TCHP: variants seen among roughly 807,000 people sequenced by gnomAD.
TCHP encodes the protein trichoplein keratin filament-binding protein.
A neutral mutation model predicts 88.7 loss-of-function variants in TCHP; 81 were observed. That is an observed-to-expected ratio of 0.91 (90% confidence interval 0.76 to 1.10). The LOEUF is 1.10. Among genes scored for constraint, TCHP ranks in the 50% least tolerant of loss-of-function variants. The probability of loss-of-function intolerance (pLI) is 0.00; values close to 1 mark genes in which losing one functional copy is unlikely to be tolerated. For synonymous variants in TCHP, 232 were observed against 232.5 expected (o/e 1.00, Z 0.02); for missense variants, 641 against 632.1 (o/e 1.01, Z -0.15).
the TCHP span, among the ~76,000 whole-genome samples, chr12:109,884,869 A>G: frequency 6.6e-6 from 1 of 152,236 alleles, no homozygotes; most frequent in Non-Finnish European, 1.5e-5. Context: ...GCAGAATCAC[A>G]GTACATCCAT....
chr12:109,896,033 A>G (rs1244959984), upstream of TCHP, among the ~76,000 whole-genome samples: 3 of 151,596 alleles, frequency 2.0e-5, no homozygotes, highest in Non-Finnish European at 2.9e-5. Context: ...TGCAACCTCT[A>G]CCTCCCAGGT....
rs747865994 is a variant in TCHP, at chr12:109,916,661, T to C, written c.*38T>C. On this transcript the variant is annotated 3_prime_UTR_variant, in exon 13 of 13. Coordinates refer to ENST00000405876, the MANE Select transcript of TCHP (RefSeq NM_001143852.2). ...CATAAGTACAGAGAACAAGGGATGC[T>C]GAGGCTTCTGATCCCAGCCGCCAGG... 2 of 1,604,272 alleles carry C rather than the reference T, an allele frequency of 1.2e-6. No individual in the cohort carries two copies. The highest frequency in any genetic ancestry group is 1.7e-5 in the Admixed American group (1 of 57,832).
At chr12:109,897,404 T>G (rs75912815), upstream of TCHP, among the ~76,000 whole-genome samples, 2,698 of 152,214 alleles carry the variant, frequency 0.018, 67 homozygotes, top group African/African-American at 0.056. Context: ...CCCTAAGCCC[T>G]AAAGTTCTGC....
Position 109,907,541 on chromosome 12 carries a change from G to A in TCHP, c.541G>A (p.Glu181Lys). The change falls in exon 6 of 13, where the codon GAG becomes AAG. Residue 181 changes from glutamate to lysine, a missense_variant. Physicochemically the swap from Glu to Lys is moderately conservative, Grantham distance 56 (BLOSUM62 1). Coordinates refer to ENST00000405876, the MANE Select transcript of TCHP (RefSeq NM_001143852.2). ...TCCCTTGTAGCAAGAAGCCACCGCA[G>A]AGCAAGAGAACAAACGGTATGAAAA... ...EEKKQQEATA[E>K]QENKRYENEY... 1 of 1,614,222 alleles carries A rather than the reference G, an allele frequency of 6.2e-7. No homozygotes were observed. The highest frequency in any genetic ancestry group is 8.5e-7 in the Non-Finnish European group (1 of 1,180,030).
chr12:109,913,421 C>T (rs904620925), intron 10 of TCHP, among the ~76,000 whole-genome samples: 4 of 152,284 alleles, frequency 2.6e-5, no homozygotes, highest in South Asian at 2.1e-4. Context: ...TCTTTATAAA[C>T]GGCATGTCAG....
At chr12:109,884,695 C>T in the TCHP span, among the ~76,000 whole-genome samples, 3 of 152,266 alleles carry the variant, frequency 2.0e-5, no homozygotes, top group African/African-American at 7.2e-5. Flanking sequence ...CCACACAAAG[C>T]ATTTTTTCTT....
upstream of TCHP, among the ~76,000 whole-genome samples, chr12:109,897,296 T>A (rs1869586062): frequency 6.6e-6 from 1 of 152,188 alleles, no homozygotes; most frequent in African/African-American, 2.4e-5. Context: ...GGTGAGGATG[T>A]CTGGCCAGCA....
upstream of TCHP, among the ~76,000 whole-genome samples, chr12:109,897,404 T>A (rs75912815): frequency 1.3e-5 from 2 of 152,102 alleles, no homozygotes; most frequent in African/African-American, 4.8e-5. Context: ...CCCTAAGCCC[T>A]AAAGTTCTGC....
chr12:109,892,354 C>G, the TCHP span, among the ~76,000 whole-genome samples: 5 of 152,140 alleles, frequency 3.3e-5, no homozygotes, highest in Non-Finnish European at 7.3e-5. Flanking sequence ...GGGGAAGGGT[C>G]TTCCAGACAG....
chr12:109,911,054 T>C lies in TCHP; in HGVS notation c.880-9T>C. 6.4e-7 allele frequency: 1 copy of C among 1,554,546 alleles called. No homozygotes were observed. The highest frequency in any genetic ancestry group is 8.7e-7 in the Non-Finnish European group (1 of 1,148,734). On this transcript the variant is annotated splice_polypyrimidine_tract_variant and intron_variant, in intron 8 of 12. Coordinates refer to ENST00000405876, the MANE Select transcript of TCHP (RefSeq NM_001143852.2). ...AGCCCAGCCACGTGCCGCCCTCTGC[T>C]TCCTCTAGGAGGCAGACAGGCGGAT... is the stretch of plus-strand genomic sequence containing the variant.
chr12:109,908,248 A>G (rs1303032500), intron 6 of TCHP, among the ~76,000 whole-genome samples: 2 of 152,196 alleles, frequency 1.3e-5, no homozygotes, highest in African/African-American at 2.4e-5. Flanking sequence ...GGTGCTGAGC[A>G]CTGGGTTGGG....
upstream of TCHP, among the ~76,000 whole-genome samples, chr12:109,900,012 T>C (rs1323014616): frequency 6.6e-6 from 1 of 152,156 alleles, no homozygotes; most frequent in Admixed American, 6.6e-5. Context: ...CCCAGGCTGG[T>C]ATCTGGTGAT....
At chr12:109,900,851 T>G (rs1565906984) in intron 1 of TCHP, 1 of 152,206 alleles carries the variant, frequency 6.6e-6, no homozygotes, top group Non-Finnish European at 1.5e-5. Flanking sequence ...AGAATGAGAT[T>G]CTTGGCGTGC....
At chr12:109,906,400 A>G (rs1006345318) in intron 4 of TCHP, among the ~76,000 whole-genome samples, 172 bp from the exon 5 acceptor site, 5 of 152,080 alleles carry the variant, frequency 3.3e-5, no homozygotes, top group African/African-American at 7.2e-5. Flanking sequence ...CATTCACACT[A>G]TACATGTTGA....
At chr12:109,914,048 C>T (rs758971570) in intron 10 of TCHP, among the ~76,000 whole-genome samples, 5 of 152,306 alleles carry the variant, frequency 3.3e-5, no homozygotes, top group Middle Eastern at 3.4e-3. Flanking sequence ...AGCTCCACCT[C>T]TGGTCATCTG....
chr12:109,896,705 G>A (rs572100233), upstream of TCHP, among the ~76,000 whole-genome samples: 5 of 152,174 alleles, frequency 3.3e-5, no homozygotes, highest in South Asian at 1.0e-3. Flanking sequence ...GAGGTCAGGA[G>A]TTCAAGACCA....
chr12:109,914,536 G>A lies in TCHP; in HGVS notation c.1229G>A (p.Arg410Gln), dbSNP rs747656284. Residue 410 changes from arginine to glutamine, a missense_variant, in exon 11 of 13, where the codon CGA becomes CAA. By Grantham distance (43) the Arg-to-Gln change is conservative (BLOSUM62 1). Transcript: ENST00000405876. ...ESLKHREQLI[R>Q]NLEEVRELAR... ...CTGAAACACAGGGAGCAACTTATTC[G>A]AAATCTTGAGGAGGTGAGAGAGTTG... The A allele has an allele frequency of 1.9e-5, 31 of 1,614,006 alleles. No individual in the cohort carries two copies. Among genetic ancestry groups the A allele is most frequent in the South Asian group, 2.2e-5 (2 of 91,074 alleles).
chr12:109,907,099 G>T (rs1870177152), intron 5 of TCHP, among the ~76,000 whole-genome samples: 1 of 152,202 alleles, frequency 6.6e-6, no homozygotes, highest in Admixed American at 6.5e-5. Flanking sequence ...CTGTTGCTCA[G>T]GCTGGTCTGG....
At chr12:109,899,895 C>T (rs1869679588), upstream of TCHP, among the ~76,000 whole-genome samples, 1 of 152,056 alleles carries the variant, frequency 6.6e-6, no homozygotes, top group African/African-American at 2.4e-5. Context: ...ATCTCCTGGG[C>T]TCAACTGATC....
Sources: gnomAD v4.1 joint callset for allele counts (sites outside exome capture counted in the v4.1 genomes callset) on GRCh38, gnomAD v4.1.1 for gene constraint, MANE v1.5 for transcripts, NCBI Gene and HGNC (gene_info 2026-07-23, HGNC 2026-07-21) for gene names.